The following CDKN2C variants were observed in gnomAD, a reference collection of about 807,000 sequenced individuals.
CDKN2C encodes the protein cyclin-dependent kinase 4 inhibitor C.
In CDKN2C, 5 loss-of-function variants were observed where a neutral mutation model predicts 11.0. That is an observed-to-expected ratio of 0.45 (90% CI 0.24 to 0.95). The LOEUF is 0.95. Ranked by LOEUF, CDKN2C falls within the 40% of genes least tolerant of loss-of-function variation. CDKN2C has a pLI of 0.21. For missense variants in CDKN2C, 161 were observed against 211.9 expected, an observed-to-expected ratio of 0.76 and a Z score of 1.49; for synonymous variants, 79 against 88.3, an observed-to-expected ratio of 0.89 and a Z score of 0.59.
upstream of CDKN2C, among the ~76,000 whole-genome samples, chr1:50,966,720 C>G (rs1645348499): frequency 1.4e-5 from 2 of 146,672 alleles, no homozygotes; most frequent in Admixed American, 7.0e-5. Context: ...CTTCAGGGCA[C>G]CAGCAAAACC....
upstream of CDKN2C, chr1:50,970,037 C>T: frequency 2.2e-6 from 1 of 447,660 alleles, no homozygotes. Flanking sequence ...CTGCCTACAT[C>T]TGACGTCCGG....
upstream of CDKN2C, chr1:50,970,033 A>G: frequency 2.3e-6 from 1 of 443,940 alleles, no homozygotes; most frequent in Non-Finnish European, 4.2e-6. Context: ...AGCTCTGCCT[A>G]CATCTGACGT....
chr1:50,971,300 G>T (rs1422214593), intron 1 of CDKN2C, among the ~76,000 whole-genome samples: 1 of 152,152 alleles, frequency 6.6e-6, no homozygotes, highest in Non-Finnish European at 1.5e-5. Context: ...TAAAATAGTT[G>T]CTTTATCAGA....
upstream of CDKN2C, chr1:50,969,389 A>G (rs1337033422): frequency 1.3e-5 from 2 of 152,294 alleles, no homozygotes; most frequent in Non-Finnish European, 2.9e-5. This position sits in a 1 kb window ranked among gnomAD's most constrained non-coding sequence, Gnocchi z 6.6. Flanking sequence ...GAGCTGCCCC[A>G]GCAGTCCGGG....
At chr1:50,971,172 GC>G (rs1465838350) in intron 1 of CDKN2C, among the ~76,000 whole-genome samples, 2 of 152,186 alleles carry the variant, frequency 1.3e-5, no homozygotes, top group African/African-American at 4.8e-5. Context: ...AGATTTACAG[GC>G]AACAATTGAC....
chr1:50,971,125 AC>A (rs1371975264), intron 1 of CDKN2C, among the ~76,000 whole-genome samples: 1 of 152,210 alleles, frequency 6.6e-6, no homozygotes, highest in African/African-American at 2.4e-5. Flanking sequence ...CTTTGTCTCT[AC>A]GGTCATGCCG....
chr1:50,961,210 T>C (rs1156908452), intron 1 of CDKN2C, among the ~76,000 whole-genome samples: 1 of 152,128 alleles, frequency 6.6e-6, no homozygotes, highest in African/African-American at 2.4e-5. Context: ...TAAGTTTTTT[T>C]TGTATTTTTA....
rs1645374028 is a variant in CDKN2C at position 50,970,485 on chromosome 1, G to T, written c.117G>T (p.Arg39Ser). Residue 39 changes from arginine (R) to serine (S), a missense_variant, in exon 1 of 2, where the codon AGG becomes AGT. Arg to Ser is a moderately radical substitution (Grantham distance 110). Transcript: ENST00000371761. ...VNVNAQNGFG[R>S]TALQVMKLGN... ...TCAATGCACAAAATGGATTTGGAAG[G>T]ACTGCGCTGCAGGTTGGTATTAAGA... 3 of 1,614,032 alleles carry T rather than the reference G, an allele frequency of 1.9e-6. No individual in the cohort carries two copies. Among genetic ancestry groups the T allele is most frequent in the Non-Finnish European group, 1.7e-6 (2 of 1,180,038 alleles).
chr1:50,974,289 C>A lies in CDKN2C; in HGVS notation c.*19C>A, dbSNP rs550747646. The stretch of plus-strand genomic sequence containing the variant: ...TCAATAAACGTGGGGAGGGCTCCCC[C>A]ACGTTGCCTCTACTTTATCAATTAA... On this transcript the variant is annotated 3_prime_UTR_variant, in exon 2 of 2. Coordinates refer to ENST00000371761, the MANE Select transcript of CDKN2C (RefSeq NM_078626.3). 9.2e-6 allele frequency: 14 copies of A among 1,529,180 alleles called. No homozygotes were observed. Among genetic ancestry groups the A allele is most frequent in the African/African-American group, 2.8e-5 (2 of 71,962 alleles). 94.7% of individuals were successfully genotyped at this position (1,529,180 alleles called of 1,614,324 possible).
intron 1 of CDKN2C, among the ~76,000 whole-genome samples, chr1:50,964,318 T>C (rs1645337388): frequency 6.6e-6 from 1 of 152,216 alleles, no homozygotes. Flanking sequence ...AGGAACTTTA[T>C]AAAATCTCCC....
At chr1:50,971,357 CTT>C (rs1364980314) in intron 1 of CDKN2C, among the ~76,000 whole-genome samples, 4 of 152,208 alleles carry the variant, frequency 2.6e-5, no homozygotes, top group Non-Finnish European at 1.5e-5. Context: ...AAATGCAACA[CTT>C]GAAGCTGTTT....
At chr1:50,973,726 A>G (rs909376270) in intron 1 of CDKN2C, among the ~76,000 whole-genome samples, 167 bp from the exon 2 acceptor site, 1 of 152,128 alleles carries the variant, frequency 6.6e-6, no homozygotes. Flanking sequence ...ACTTTCACCT[A>G]CTAGCACTTT....
chr1:50,965,826 T>C (rs1645344797), upstream of CDKN2C, among the ~76,000 whole-genome samples: 1 of 152,150 alleles, frequency 6.6e-6, no homozygotes, highest in Admixed American at 6.5e-5. Flanking sequence ...TAAAGTCACA[T>C]AAAAGGCTGC....
intron 1 of CDKN2C, among the ~76,000 whole-genome samples, chr1:50,965,083 T>TAGAC (rs1553155142): frequency 2.6e-5 from 4 of 151,368 alleles, no homozygotes; most frequent in African/African-American, 9.7e-5. Context: ...GATAGATAGA[T>TAGAC]AGATAGATAG....
chr1:50,972,812 T>C (rs1289213309), intron 1 of CDKN2C, among the ~76,000 whole-genome samples: 1 of 152,154 alleles, frequency 6.6e-6, no homozygotes, highest in Non-Finnish European at 1.5e-5. Context: ...TTTTAAAATG[T>C]TGGCAGTTTA....
upstream of CDKN2C, chr1:50,968,158 C>G (rs1332721060): frequency 6.6e-6 from 1 of 150,978 alleles, no homozygotes; most frequent in Non-Finnish European, 1.5e-5. Flanking sequence ...GGCCAGGGCT[C>G]AGCGAAGGAC....
intron 1 of CDKN2C, among the ~76,000 whole-genome samples, chr1:50,970,905 G>C (rs1645376011): frequency 1.3e-5 from 2 of 152,124 alleles, no homozygotes; most frequent in Non-Finnish European, 1.5e-5. Context: ...CCCAATAATA[G>C]ACTTTAACGT....
Position 50,974,273 on chromosome 1 carries a change from G to T in CDKN2C, c.*3G>T, listed in dbSNP as rs201169037. The stretch of plus-strand genomic sequence containing the variant: ...GGGGAGCCACAAATCTTCAATAAAC[G>T]TGGGGAGGGCTCCCCCACGTTGCCT... On this transcript the variant is annotated 3_prime_UTR_variant, in exon 2 of 2. Transcript: ENST00000371761. The T allele has an allele frequency of 1.9e-6, 3 of 1,545,222 alleles. No individual in the cohort carries two copies. Among genetic ancestry groups the T allele is most frequent in the South Asian group, 1.3e-5 (1 of 79,436 alleles).
Position 50,974,237 on chromosome 1 carries a change from A to C in CDKN2C, c.474A>C (p.Ala158=). 1 of 1,584,306 alleles carries C rather than the reference A, an allele frequency of 6.3e-7. No individual in the cohort carries two copies. The highest frequency in any genetic ancestry group is 8.6e-7 in the Non-Finnish European group (1 of 1,162,358). The change falls in exon 2 of 2, where the codon GCA becomes GCC. Residue 158 remains alanine, a synonymous_variant. Coordinates refer to ENST00000371761, the MANE Select transcript of CDKN2C (RefSeq NM_078626.3). Reference sequence around the variant, plus strand: ...ATGAGGTTGTTAGCCTGATGCAGGCAAACGGGGCTGGGGGAGCCACAAATC... The same window carrying C: ...ATGAGGTTGTTAGCCTGATGCAGGCCAACGGGGCTGGGGGAGCCACAAATC... ...GRNEVVSLMQ[A]NGAGGATNLQ is the part of the protein sequence containing the mutation.
Sources: gnomAD v4.1 joint callset for allele counts (sites outside exome capture counted in the v4.1 genomes callset) on GRCh38, gnomAD v4.1.1 for gene constraint, Gnocchi (gnomAD v3.1) non-coding constraint, MANE v1.5 for transcripts, NCBI Gene and HGNC (gene_info 2026-07-23, HGNC 2026-07-21) for gene names.